Variants in TCF12 observed in about 807,000 individuals in gnomAD.
TCF12 encodes the protein transcription factor 12.
In TCF12, 45 loss-of-function variants were observed where a neutral mutation model predicts 86.0. The observed-to-expected ratio is 0.52, with a 90% CI of 0.41 to 0.67. TCF12 has a LOEUF of 0.67. TCF12 is among the 30% of genes least tolerant of loss of function. TCF12 has a pLI of 0.00. For missense variants in TCF12, 881 were observed against 859.9 expected (o/e 1.02, Z -0.31); for synonymous variants, 330 against 299.6 (o/e 1.10, Z -1.05).
chr15:57,246,529 C>CT (rs2059866617), intron 13 of TCF12, among the ~76,000 whole-genome samples: 1 of 104,126 alleles, frequency 9.6e-6, no homozygotes, highest in South Asian at 3.2e-4. Flanking sequence ...GTTCAGGGTA[C>CT]TACATGCAGA....
intron 13 of TCF12, among the ~76,000 whole-genome samples, chr15:57,245,686 A>T (rs1473571683): frequency 6.6e-6 from 1 of 152,240 alleles, no homozygotes; most frequent in African/African-American, 2.4e-5. Flanking sequence ...GGTCACAAGT[A>T]AAATCTTACA....
chr15:57,069,341 T>C (rs1490598928), intron 4 of TCF12, among the ~76,000 whole-genome samples: 1 of 152,202 alleles, frequency 6.6e-6, no homozygotes, highest in Non-Finnish European at 1.5e-5. Flanking sequence ...TCTATTATGG[T>C]AGTTATTTTT....
rs543141996 is a variant in TCF12 at position 57,088,185 on chromosome 15, C to A, written c.223-3604C>A. 3.9e-5 allele frequency among the ~76,000 whole-genome samples: 6 copies of A among 152,274 alleles called. No individual in the cohort carries two copies. In the South Asian group the frequency reaches 1.2e-3, roughly 32 times the overall value. On this transcript the variant is annotated intron_variant, in intron 4 of 20. Transcript: ENST00000333725. ...TTCTTTTCTTGTCACTGCAACCACTCCCTTAGGCCATTTACCTTCAACCTA... is the reference window on the plus strand; with the variant it reads ...TTCTTTTCTTGTCACTGCAACCACTACCTTAGGCCATTTACCTTCAACCTA...
chr15:57,159,806 C>G (rs2054367809), intron 5 of TCF12, among the ~76,000 whole-genome samples: 2 of 152,092 alleles, frequency 1.3e-5, no homozygotes, highest in Admixed American at 1.3e-4. Context: ...CAAAAATGAA[C>G]AGAAATAATG....
intron 4 of TCF12, among the ~76,000 whole-genome samples, chr15:57,088,542 T>C (rs986698659): frequency 9.2e-5 from 14 of 152,054 alleles, no homozygotes; most frequent in Non-Finnish European, 1.9e-4. Context: ...CCCTAATTTA[T>C]TCTTATCTGG....
chr15:57,188,284 T>C (rs1318771491), intron 6 of TCF12, among the ~76,000 whole-genome samples: 2 of 152,162 alleles, frequency 1.3e-5, no homozygotes, highest in African/African-American at 2.4e-5. Flanking sequence ...ATAAGACTTG[T>C]ACCCTGGAAA....
Position 57,048,614 on chromosome 15 carries a change from G to A in TCF12, c.149-15136G>A, listed in dbSNP as rs367685578. ...AGGACTAAGTCTTACTTTGTATCTT[G>A]CAAAAGACATGGCACTCTCTATCAT... On this transcript the variant is annotated intron_variant, in intron 3 of 20. Coordinates refer to ENST00000333725, the MANE Select transcript of TCF12 (RefSeq NM_207037.2). 7.9e-5 allele frequency among the ~76,000 whole-genome samples: 12 copies of A among 152,124 alleles called. No homozygotes were observed. In the East Asian group the frequency reaches 2.3e-3, roughly 29 times the overall value.
chr15:56,951,575 T>C (rs2061277727), intron 3 of TCF12, among the ~76,000 whole-genome samples: 1 of 152,174 alleles, frequency 6.6e-6, no homozygotes, highest in African/African-American at 2.4e-5. Flanking sequence ...GGTTATTCTT[T>C]TATGGATTGT....
At chr15:57,223,762 A>G (rs1372747827) in intron 8 of TCF12, among the ~76,000 whole-genome samples, 1 of 150,736 alleles carries the variant, frequency 6.6e-6, no homozygotes, top group Non-Finnish European at 1.5e-5. Flanking sequence ...AAAAGAACAG[A>G]AACCGATGTG....
At chr15:57,250,738 A>AT (rs1365676768) in intron 13 of TCF12, among the ~76,000 whole-genome samples, 1 of 151,854 alleles carries the variant, frequency 6.6e-6, no homozygotes, top group Non-Finnish European at 1.5e-5. Context: ...CAAAAAAAAA[A>AT]GAAAAAAAAT....
chr15:57,247,453 T>C, intron 13 of TCF12: 1 of 712,842 alleles, frequency 1.4e-6, no homozygotes, highest in African/African-American at 1.7e-5. Context: ...AAAGGGCCTT[T>C]TTTACTTCAC....
intron 4 of TCF12, chr15:57,072,776 C>A: frequency 8.8e-7 from 1 of 1,131,346 alleles, no homozygotes. Flanking sequence ...TATGTAACTG[C>A]TCCTTCTGAA....
At chr15:57,203,871 C>T (rs1470972779) in intron 8 of TCF12, among the ~76,000 whole-genome samples, 1 of 152,016 alleles carries the variant, frequency 6.6e-6, no homozygotes, top group African/African-American at 2.4e-5. Context: ...AAAAAATTAG[C>T]CAGGTGTGAT....
intron 5 of TCF12, among the ~76,000 whole-genome samples, chr15:57,109,759 G>T (rs2050367819): frequency 6.6e-6 from 1 of 152,090 alleles, no homozygotes. Flanking sequence ...TAAAAGTTAA[G>T]GGATTTTTAA....
intron 3 of TCF12, among the ~76,000 whole-genome samples, chr15:57,046,243 T>C (rs1325818554): frequency 6.6e-6 from 1 of 152,164 alleles, no homozygotes; most frequent in Non-Finnish European, 1.5e-5. Context: ...AGCTAGCAAA[T>C]ATCAAAACTT....
intron 15 of TCF12, 71 bp downstream of exon 15, chr15:57,252,563 C>T: frequency 5.2e-6 from 7 of 1,336,250 alleles, no homozygotes; most frequent in South Asian, 4.9e-5. Flanking sequence ...CATTTAAAAT[C>T]TTTAAGCTGT....
intron 3 of TCF12, among the ~76,000 whole-genome samples, chr15:56,987,192 A>C (rs953507864): frequency 1.3e-5 from 2 of 151,548 alleles, no homozygotes; most frequent in Admixed American, 6.6e-5. Context: ...GCTCACTGCA[A>C]CCTCCACCTC....
intron 5 of TCF12, among the ~76,000 whole-genome samples, chr15:57,112,794 A>G (rs2050581266): frequency 6.6e-6 from 1 of 152,282 alleles, no homozygotes. Context: ...ATTACTAAAG[A>G]CTCAGACTTT....
intron 5 of TCF12, among the ~76,000 whole-genome samples, chr15:57,101,569 T>C (rs1028081190): frequency 6.6e-6 from 1 of 152,254 alleles, no homozygotes; most frequent in African/African-American, 2.4e-5. Context: ...TTCAGGACTT[T>C]CTGATACGTA....
Sources: gnomAD v4.1 joint callset for allele counts (sites outside exome capture counted in the v4.1 genomes callset) on GRCh38, gnomAD v4.1.1 for gene constraint, MANE v1.5 for transcripts, NCBI Gene and HGNC (gene_info 2026-07-23, HGNC 2026-07-21) for gene names.